Variants in UBE2F observed in about 807,000 individuals in gnomAD.
UBE2F encodes the protein NEDD8-conjugating enzyme UBE2F.
A neutral mutation model predicts 29.6 loss-of-function variants in UBE2F; 5 were observed. The ratio of observed to expected loss-of-function variants is 0.17; its 90% CI spans 0.09 to 0.36. The LOEUF is 0.36. UBE2F is among the 10% of genes least tolerant of loss of function. The probability of loss-of-function intolerance (pLI) is 1.00; values close to 1 mark genes in which losing one functional copy is unlikely to be tolerated. For synonymous variants in UBE2F, 66 were observed against 81.8 expected (o/e 0.81, Z 1.04); for missense variants, 141 against 228.5 (o/e 0.62, Z 2.47).
chr2:237,984,665 G>A (rs1357504228), intron 2 of UBE2F, among the ~76,000 whole-genome samples: 5 of 152,198 alleles, frequency 3.3e-5, no homozygotes, highest in Middle Eastern at 3.2e-3. Flanking sequence ...GGACGTTGCC[G>A]GGTCAGTTAT....
At chr2:237,997,341 A>C (rs1294084277) in intron 4 of UBE2F, among the ~76,000 whole-genome samples, 3 of 152,258 alleles carry the variant, frequency 2.0e-5, no homozygotes, top group Non-Finnish European at 4.4e-5. Context: ...AGCTGTGCAC[A>C]GCATGCTTTT....
Position 237,982,168 on chromosome 2 carries a change from G to A in UBE2F, c.119-5795G>A, listed in dbSNP as rs72981235. On this transcript the variant is annotated intron_variant, in intron 2 of 9. Coordinates refer to ENST00000272930, the MANE Select transcript of UBE2F (RefSeq NM_080678.3). This position sits in a 1 kb window ranked among gnomAD's most constrained non-coding sequence, Gnocchi z 4.1. ...ACCAGCAAAACACTCCCCGAGTGGC[G>A]AATGTGCAGCCAGGGCTTCCATTCC... Among the ~76,000 whole-genome samples the A allele has an allele frequency of 0.072, 11,031 of 152,176 alleles. 433 individuals carry two copies. The highest frequency in any genetic ancestry group is 0.11 in the African/African-American group (4,556 of 41,506).
At chr2:237,970,386 A>G (rs756375674) in intron 1 of UBE2F, among the ~76,000 whole-genome samples, 14 of 152,172 alleles carry the variant, frequency 9.2e-5, no homozygotes, top group Non-Finnish European at 1.9e-4. Flanking sequence ...AAAACAAACA[A>G]AAAACATTTT....
intron 3 of UBE2F, among the ~76,000 whole-genome samples, chr2:237,993,479 A>T: frequency 6.6e-6 from 1 of 152,194 alleles, no homozygotes; most frequent in East Asian, 1.9e-4. Flanking sequence ...TTCAGAGGCC[A>T]AGGTGAGTGG....
intron 5 of UBE2F, among the ~76,000 whole-genome samples, chr2:238,025,082 G>A (rs1261670569): frequency 6.6e-6 from 1 of 152,160 alleles, no homozygotes; most frequent in African/African-American, 2.4e-5. Flanking sequence ...AGGACACATG[G>A]GGCTTGTAGA....
chr2:237,969,272 G>C (rs115164308), intron 1 of UBE2F, among the ~76,000 whole-genome samples: 1 of 151,910 alleles, frequency 6.6e-6, no homozygotes, highest in Non-Finnish European at 1.5e-5. Flanking sequence ...GTGATTGGGG[G>C]TATAAAAGCG....
chr2:238,024,467 T>A (rs2064367901), intron 5 of UBE2F, among the ~76,000 whole-genome samples: 1 of 152,082 alleles, frequency 6.6e-6, no homozygotes. Context: ...CACCTCAGCC[T>A]CCTGAGTAGC....
chr2:238,024,629 G>T (rs1049399642), intron 5 of UBE2F, among the ~76,000 whole-genome samples: 2 of 151,728 alleles, frequency 1.3e-5, no homozygotes, highest in African/African-American at 2.4e-5. Flanking sequence ...TTTTCTCCTG[G>T]GTATCTATCA....
At chr2:238,003,617 G>T (rs772812824) in intron 4 of UBE2F, 3 of 199,372 alleles carry the variant, frequency 1.5e-5, no homozygotes, top group Admixed American at 5.3e-5. Context: ...TATATAGTGC[G>T]TATAAAATCT....
chr2:237,976,183 C>G (rs1175387729), intron 2 of UBE2F, among the ~76,000 whole-genome samples: 1 of 152,242 alleles, frequency 6.6e-6, no homozygotes, highest in African/African-American at 2.4e-5. Context: ...ACTTGAGTGT[C>G]TTCTCAGATT....
chr2:238,009,368 A>G (rs2063968248), intron 4 of UBE2F, among the ~76,000 whole-genome samples: 1 of 152,206 alleles, frequency 6.6e-6, no homozygotes, highest in Non-Finnish European at 1.5e-5. Context: ...TATGTCTTAC[A>G]TATAGATTAC....
Position 237,983,761 on chromosome 2 carries a change from A to G in UBE2F, c.119-4202A>G, listed in dbSNP as rs547779209. ...TTTCCTGCTGTTTTGAATGCGAATCAGCAAGGTCTGATCCACTTCCAATGG... is the reference window on the plus strand; with the variant it reads ...TTTCCTGCTGTTTTGAATGCGAATCGGCAAGGTCTGATCCACTTCCAATGG... On this transcript the variant is annotated intron_variant, in intron 2 of 9. Coordinates refer to ENST00000272930, the MANE Select transcript of UBE2F (RefSeq NM_080678.3). Among the ~76,000 whole-genome samples, 20 of 152,228 alleles carry G rather than the reference A, an allele frequency of 1.3e-4. No individual in the cohort carries two copies. The South Asian group carries it at 4.1e-3, about 32-fold the overall frequency.
intron 8 of UBE2F, among the ~76,000 whole-genome samples, chr2:238,032,968 T>C (rs1354146286): frequency 6.6e-6 from 1 of 152,092 alleles, no homozygotes; most frequent in East Asian, 1.9e-4. Flanking sequence ...GACCCCGGTT[T>C]CTAGGGGATG....
At chr2:238,038,182 G>C (rs1383869361) in intron 9 of UBE2F, among the ~76,000 whole-genome samples, 1 of 152,218 alleles carries the variant, frequency 6.6e-6, no homozygotes, top group African/African-American at 2.4e-5. Flanking sequence ...GGCATGGTGG[G>C]CATGGGGAGT....
chr2:237,990,572 G>A, intron 3 of UBE2F: 1 of 177,886 alleles, frequency 5.6e-6, no homozygotes, highest in South Asian at 9.2e-5. Flanking sequence ...ACCACGCCTA[G>A]CTAATTTTTA....
Position 238,035,666 on chromosome 2 carries a change from T to C in UBE2F, c.445-212T>C, listed in dbSNP as rs1383561032. The C allele has an allele frequency of 5.7e-6, 3 of 524,800 alleles. No homozygotes were observed. The African/African-American group carries it at 5.7e-5, about 10-fold the overall frequency. 32.5% of individuals were successfully genotyped at this position (524,800 alleles called of 1,614,324 possible). A position where few individuals can be genotyped will look rare whatever the true frequency, so the allele number is the denominator to read the frequency against. On this transcript the variant is annotated intron_variant, in intron 8 of 9. Transcript: ENST00000272930. Reference sequence around the variant, plus strand: ...ACATGTCAACATATCTCTGACTTCTTTCAGTCAGTTGTCAGTCACCATTTT... The same window carrying C: ...ACATGTCAACATATCTCTGACTTCTCTCAGTCAGTTGTCAGTCACCATTTT...
intron 1 of UBE2F, among the ~76,000 whole-genome samples, chr2:237,968,595 A>C (rs1199528792): frequency 6.6e-6 from 1 of 152,192 alleles, no homozygotes; most frequent in Non-Finnish European, 1.5e-5. Context: ...GTGTCCCTGC[A>C]CAAGTGACAT....
intron 4 of UBE2F, among the ~76,000 whole-genome samples, chr2:238,004,635 A>G (rs1487118304): frequency 1.3e-5 from 2 of 152,146 alleles, no homozygotes; most frequent in African/African-American, 4.8e-5. Flanking sequence ...TCTGTGTCTT[A>G]ATTCCTGGAA....
In UBE2F at chr2:238,016,633, G is replaced by A; in HGVS notation, c.282G>A (p.Val94=). ...AAGTTCCCGATGCGTACAACATGGT[G>A]GTGAGTAGCCTGCGTTGAGCCTGTT... ...ETEVPDAYNM[V]PPKVKCLTKI... The change falls in exon 5 of 10, where the codon GTG becomes GTA. Residue 94 remains valine (V), a splice_region_variant and synonymous_variant. Transcript: ENST00000272930. 1 of 1,610,576 alleles carries A rather than the reference G, an allele frequency of 6.2e-7. No homozygotes were observed.
Sources: allele counts gnomAD v4.1 joint callset (sites outside exome capture counted in the v4.1 genomes callset), GRCh38; gene constraint gnomAD v4.1.1; non-coding constraint Gnocchi (gnomAD v3.1); transcripts MANE v1.5; gene names NCBI Gene and HGNC (gene_info 2026-07-23, HGNC 2026-07-21).